PTPRG: variants seen among roughly 807,000 people sequenced by gnomAD.
PTPRG encodes protein tyrosine phosphatase receptor type G, also known as receptor-type tyrosine-protein phosphatase gamma.
A neutral mutation model predicts 165.3 loss-of-function variants in PTPRG; 102 were observed. That is an observed-to-expected ratio of 0.62 (90% CI 0.53 to 0.73). The LOEUF (loss-of-function observed/expected upper bound fraction) is 0.73. Ranked by LOEUF, PTPRG falls within the 30% of genes least tolerant of loss-of-function variation. The pLI, the probability that PTPRG is intolerant of heterozygous loss-of-function variation, is 0.00. For synonymous variants in PTPRG, 675 were observed against 669.5 expected (o/e 1.01, Z -0.13); for missense variants, 1,866 against 1,861.4 (o/e 1.00, Z -0.05).
At chr3:61,955,041 A>G (rs2039999924) in intron 2 of PTPRG, among the ~76,000 whole-genome samples, 1 of 152,220 alleles carries the variant, frequency 6.6e-6, no homozygotes, top group African/African-American at 2.4e-5. Context: ...ACATAATGGC[A>G]TCTCCCAGCA....
intron 8 of PTPRG, among the ~76,000 whole-genome samples, chr3:62,179,285 GGTT>G (rs1268079584): frequency 1.3e-5 from 2 of 152,138 alleles, no homozygotes; most frequent in Admixed American, 1.3e-4. Context: ...CACAGCCAGT[GGTT>G]GTTACGGTTG....
At chr3:62,082,527 G>A (rs1395061959) in intron 5 of PTPRG, among the ~76,000 whole-genome samples, 1 of 152,202 alleles carries the variant, frequency 6.6e-6, no homozygotes, top group Non-Finnish European at 1.5e-5. Flanking sequence ...TGATGTAGCA[G>A]TAATCGAGAT....
chr3:61,877,345 C>T (rs1435100688), intron 2 of PTPRG, among the ~76,000 whole-genome samples: 2 of 152,138 alleles, frequency 1.3e-5, no homozygotes, highest in African/African-American at 4.8e-5. Flanking sequence ...TTTGAGAATG[C>T]TGGCCTGGCC....
At chr3:61,943,039 G>T (rs2039671935) in intron 2 of PTPRG, among the ~76,000 whole-genome samples, 1 of 152,170 alleles carries the variant, frequency 6.6e-6, no homozygotes, top group Non-Finnish European at 1.5e-5. Flanking sequence ...TTTACGCCAG[G>T]TATGCTTGTT....
intron 1 of PTPRG, among the ~76,000 whole-genome samples, chr3:61,684,314 C>T (rs1438125041): frequency 1.3e-5 from 2 of 152,208 alleles, no homozygotes; most frequent in Non-Finnish European, 2.9e-5. Flanking sequence ...TGTCGGGACA[C>T]ATCTGTGTGC....
intron 2 of PTPRG, among the ~76,000 whole-genome samples, chr3:61,753,948 A>AG (rs1230103903): frequency 1.3e-5 from 2 of 152,120 alleles, no homozygotes; most frequent in Admixed American, 6.6e-5. Context: ...CAAAGACTAG[A>AG]GAAAAACAGG....
intron 1 of PTPRG, among the ~76,000 whole-genome samples, chr3:61,736,149 C>T (rs1225550688): frequency 6.6e-6 from 1 of 151,902 alleles, no homozygotes; most frequent in Non-Finnish European, 1.5e-5. Context: ...CTCAGGCAAT[C>T]CGCCTGCCTC....
chr3:61,733,349 T>G (rs754646982), intron 1 of PTPRG, among the ~76,000 whole-genome samples: 1 of 152,218 alleles, frequency 6.6e-6, no homozygotes, highest in Non-Finnish European at 1.5e-5. Context: ...TCTATCTGTT[T>G]AGAGTGTCTG....
At chr3:61,929,971 T>C (rs541285042) in intron 2 of PTPRG, among the ~76,000 whole-genome samples, 1 of 152,324 alleles carries the variant, frequency 6.6e-6, no homozygotes, top group East Asian at 1.9e-4. Context: ...AAACTATTAG[T>C]AATGCTCTTT....
intron 6 of PTPRG, among the ~76,000 whole-genome samples, chr3:62,140,247 C>T (rs1211751657): frequency 2.6e-5 from 4 of 152,140 alleles, no homozygotes; most frequent in South Asian, 2.1e-4. Flanking sequence ...ACATGCACCC[C>T]GCCCTCTGAG....
At chr3:61,613,076 G>T (rs766959330) in intron 1 of PTPRG, among the ~76,000 whole-genome samples, 1 of 152,162 alleles carries the variant, frequency 6.6e-6, no homozygotes, top group Non-Finnish European at 1.5e-5. Context: ...AGAGTCAAAA[G>T]AACATTTATT....
chr3:61,654,957 T>TA (rs1702469111), intron 1 of PTPRG, among the ~76,000 whole-genome samples: 1 of 147,068 alleles, frequency 6.8e-6, no homozygotes, highest in East Asian at 2.0e-4. Context: ...ACTTTTTGTA[T>TA]TTTTTTTTTA....
chr3:62,199,701 C>T (rs1212348932), intron 10 of PTPRG, among the ~76,000 whole-genome samples: 1 of 152,114 alleles, frequency 6.6e-6, no homozygotes, highest in Non-Finnish European at 1.5e-5. Flanking sequence ...AGCATTTTCG[C>T]TAATCTCTCA....
intron 4 of PTPRG, among the ~76,000 whole-genome samples, chr3:62,031,359 A>T (rs1447505316): frequency 6.6e-6 from 1 of 152,180 alleles, no homozygotes; most frequent in Non-Finnish European, 1.5e-5. Context: ...ACGTGGGGGA[A>T]ATGTGTGTCC....
At chr3:61,826,661 A>T (rs575523377) in intron 2 of PTPRG, among the ~76,000 whole-genome samples, 2 of 152,314 alleles carry the variant, frequency 1.3e-5, no homozygotes, top group African/African-American at 4.8e-5. Flanking sequence ...GATTTTTTAC[A>T]GTGAGGTAAA....
chr3:61,563,608 C>G (rs1206090246), intron 1 of PTPRG, among the ~76,000 whole-genome samples: 2 of 152,210 alleles, frequency 1.3e-5, no homozygotes, highest in Admixed American at 6.5e-5. Flanking sequence ...TTTTTCTGCC[C>G]TCTCATCCAT....
At chr3:61,708,475 A>T (rs1267837415) in intron 1 of PTPRG, among the ~76,000 whole-genome samples, 1 of 103,588 alleles carries the variant, frequency 9.7e-6, no homozygotes, top group Non-Finnish European at 1.8e-5. Context: ...TTTTTTTGAG[A>T]CAGAGTCTCG....
intron 1 of PTPRG, among the ~76,000 whole-genome samples, chr3:61,594,916 A>G (rs905754539): frequency 2.6e-5 from 4 of 152,214 alleles, no homozygotes; most frequent in Non-Finnish European, 4.4e-5. Context: ...TAAAGTCTGA[A>G]ATTGACAGGG....
At chr3:61,812,023 A>G (rs1205191980) in intron 2 of PTPRG, among the ~76,000 whole-genome samples, 1 of 152,200 alleles carries the variant, frequency 6.6e-6, no homozygotes, top group African/African-American at 2.4e-5. Context: ...TTATTTCAAA[A>G]TGTGCTTGAG....
Sources: allele counts gnomAD v4.1 joint callset (sites outside exome capture counted in the v4.1 genomes callset), GRCh38; gene constraint gnomAD v4.1.1; transcripts MANE v1.5; gene names NCBI Gene and HGNC (gene_info 2026-07-23, HGNC 2026-07-21).